TTC7A: variants seen among roughly 807,000 people sequenced by gnomAD.
TTC7A encodes the protein tetratricopeptide repeat protein 7A.
In TTC7A, 110 loss-of-function variants were observed where a neutral mutation model predicts 103.7. The observed-to-expected ratio is 1.06, with a 90% CI of 0.91 to 1.24. The LOEUF is 1.24. Ranked by LOEUF, TTC7A falls within the 50% of genes most tolerant of loss-of-function variation. The probability of loss-of-function intolerance (pLI) is 0.00; values close to 1 mark genes in which losing one functional copy is unlikely to be tolerated. For missense variants in TTC7A, 1,340 were observed against 1,116.3 expected (o/e 1.20, Z -2.86); for synonymous variants, 521 against 467.9 (o/e 1.11, Z -1.47).
At chr2:46,942,792 A>C (rs1424382824) in intron 1 of TTC7A, among the ~76,000 whole-genome samples, 1 of 152,224 alleles carries the variant, frequency 6.6e-6, no homozygotes, top group Non-Finnish European at 1.5e-5. Context: ...GTACAGCACA[A>C]AATCCTTGCC....
chr2:47,038,897 A>T (rs1331631742), intron 15 of TTC7A, among the ~76,000 whole-genome samples: 2 of 152,080 alleles, frequency 1.3e-5, no homozygotes, highest in African/African-American at 2.4e-5. Flanking sequence ...TTGTTGAGTG[A>T]TATGAGAGCA....
chr2:46,920,158 G>A (rs771764343), intron 2 of TTC7A, among the ~76,000 whole-genome samples: 2 of 152,138 alleles, frequency 1.3e-5, no homozygotes, highest in Non-Finnish European at 2.9e-5. Flanking sequence ...TCAAATTCAT[G>A]TTGGGGGAAG....
chr2:47,025,487 C>T (rs1368176229), intron 14 of TTC7A, among the ~76,000 whole-genome samples: 1 of 152,180 alleles, frequency 6.6e-6, no homozygotes, highest in Non-Finnish European at 1.5e-5. Flanking sequence ...TGGGGCAAGC[C>T]AGGCTCTGCC....
chr2:47,020,308 C>G (rs1042554659), intron 11 of TTC7A, among the ~76,000 whole-genome samples: 11 of 152,210 alleles, frequency 7.2e-5, no homozygotes, highest in Non-Finnish European at 1.3e-4. Flanking sequence ...GCTTTGGCTT[C>G]AGGCCCCAGC....
chr2:47,001,583 G>A (rs528285938), intron 8 of TTC7A, among the ~76,000 whole-genome samples: 7 of 152,312 alleles, frequency 4.6e-5, no homozygotes, highest in African/African-American at 7.2e-5. Flanking sequence ...CAGGCCGGGA[G>A]CGGTGGCTCA....
At chr2:47,033,074 A>T (rs575403024) in intron 15 of TTC7A, among the ~76,000 whole-genome samples, 1 of 152,232 alleles carries the variant, frequency 6.6e-6, no homozygotes, top group African/African-American at 2.4e-5. Flanking sequence ...TTAGCAGGAA[A>T]TGTCACTGAG....
At chr2:46,917,737 T>C (rs952450989) in intron 2 of TTC7A, among the ~76,000 whole-genome samples, 3 of 152,214 alleles carry the variant, frequency 2.0e-5, no homozygotes, top group Non-Finnish European at 4.4e-5. Context: ...AACTGCAATC[T>C]CCATGCAAAT....
chr2:46,976,165 C>T (rs1673857975), intron 4 of TTC7A, among the ~76,000 whole-genome samples: 1 of 152,250 alleles, frequency 6.6e-6, no homozygotes, highest in Non-Finnish European at 1.5e-5. Flanking sequence ...GTGTCAGACA[C>T]AGCTCCAAGC....
At chr2:47,008,502 C>T (rs1282780997) in intron 10 of TTC7A, among the ~76,000 whole-genome samples, 2 of 152,216 alleles carry the variant, frequency 1.3e-5, no homozygotes, top group African/African-American at 2.4e-5. Flanking sequence ...CTTCACAGAC[C>T]AGCAAGGTGG....
chr2:46,961,605 A>AAATAAATAAATT (rs377767079), intron 3 of TTC7A, among the ~76,000 whole-genome samples: 2 of 140,936 alleles, frequency 1.4e-5, no homozygotes, highest in East Asian at 2.1e-4. Flanking sequence ...ATAAATAAAT[A>AAATAAATAAATT]AAATAAAAAA....
Position 46,963,891 on chromosome 2 carries a change from G to A in TTC7A, c.517+6884G>A, listed in dbSNP as rs527768436. ...TCATGCCCACCCTGGAGCCAATTGTGCCCAGCACCTAGGATACTGGGCTGG... is the reference window on the plus strand; with the variant it reads ...TCATGCCCACCCTGGAGCCAATTGTACCCAGCACCTAGGATACTGGGCTGG... On this transcript the variant is annotated intron_variant, in intron 3 of 19. Transcript: ENST00000319190. 5.3e-5 allele frequency among the ~76,000 whole-genome samples: 8 copies of A among 152,244 alleles called. No individual in the cohort carries two copies. The East Asian group carries it at 1.5e-3, about 29-fold the overall frequency.
intron 3 of TTC7A, chr2:46,958,377 C>T: frequency 1.4e-6 from 1 of 716,722 alleles, no homozygotes; most frequent in South Asian, 1.4e-5. Context: ...CTTAGAAACC[C>T]CTTCAGCCAT....
intron 19 of TTC7A, among the ~76,000 whole-genome samples, chr2:47,071,536 G>A (rs1390655003): frequency 3.9e-5 from 6 of 152,212 alleles, no homozygotes; most frequent in Non-Finnish European, 5.9e-5. Context: ...AGAGCCCCGC[G>A]AGGAAGGACT....
At chr2:47,005,009 C>T (rs911162774) in intron 8 of TTC7A, among the ~76,000 whole-genome samples, 3 of 152,122 alleles carry the variant, frequency 2.0e-5, no homozygotes, top group African/African-American at 7.2e-5. Context: ...GAGCTCCCCT[C>T]TTGGAATTAG....
In TTC7A at chr2:47,051,786, G is replaced by A; in HGVS notation, c.2058G>A (p.Glu686=). The A allele has an allele frequency of 1.2e-6, 2 of 1,611,420 alleles. No individual in the cohort carries two copies. Among genetic ancestry groups the A allele is most frequent in the Non-Finnish European group, 1.7e-6 (2 of 1,179,620 alleles). Residue 686 remains glutamate, a synonymous_variant, in exon 18 of 20, where the codon GAG becomes GAA. Transcript: ENST00000319190. ...RASSIAASRL[E]EAMSELTMPS... ...CGTCCATCGCCGCCTCCCGGCTGGA[G>A]GAGGCCATGTCAGAGCTGACTATGC...
intron 1 of TTC7A, among the ~76,000 whole-genome samples, chr2:46,944,931 C>T (rs1206269691): frequency 6.6e-6 from 1 of 152,160 alleles, no homozygotes; most frequent in Admixed American, 6.5e-5. Context: ...TTATTAGAGT[C>T]AGGATCCAAA....
chr2:47,057,461 C>T (rs1443965674), intron 18 of TTC7A, among the ~76,000 whole-genome samples: 4 of 152,138 alleles, frequency 2.6e-5, no homozygotes, highest in South Asian at 2.1e-4. Context: ...GGTGGGGTAC[C>T]CTCTAATTAA....
At chr2:47,050,763 C>T (rs965434098) in intron 17 of TTC7A, 1 of 152,188 alleles carries the variant, frequency 6.6e-6, no homozygotes, top group Admixed American at 6.5e-5. Context: ...GTATGCAGAG[C>T]TTCTGTCTCC....
At position 46,941,240 on chromosome 2, in the gene TTC7A, C is replaced by T; in HGVS notation, c.-302C>T. ...GCGGAGGCTGTGGCAGCAGCTGCAG[C>T]GGCGGCGGCGGCGGCAGCGCCAGGA... On this transcript the variant is annotated 5_prime_UTR_variant, in exon 1 of 20. Transcript: ENST00000319190. This position sits in a 1 kb window ranked among gnomAD's most constrained non-coding sequence, Gnocchi z 4.2. 1 of 149,274 alleles carries T rather than the reference C, an allele frequency of 6.7e-6. No individual in the cohort carries two copies. The highest frequency in any genetic ancestry group is 2.0e-4 in the East Asian group (1 of 5,068). 9.2% of individuals were successfully genotyped at this position (149,274 alleles called of 1,614,324 possible). A position where few individuals can be genotyped will look rare whatever the true frequency, so the allele number is the denominator to read the frequency against.
Sources: gnomAD v4.1 joint callset for allele counts (sites outside exome capture counted in the v4.1 genomes callset) on GRCh38, gnomAD v4.1.1 for gene constraint, Gnocchi (gnomAD v3.1) non-coding constraint, MANE v1.5 for transcripts, NCBI Gene and HGNC (gene_info 2026-07-23, HGNC 2026-07-21) for gene names.